The following DNAJA3 variants were observed in gnomAD, a reference collection of about 807,000 sequenced individuals.
DNAJA3 encodes DnaJ heat shock protein family (Hsp40) member A3.
DNAJA3 carries 29 observed loss-of-function variants against 54.9 expected under a neutral mutation model. The observed-to-expected ratio is 0.53, with a 90% CI of 0.39 to 0.72. The LOEUF (loss-of-function observed/expected upper bound fraction) is 0.72, where lower values mean the gene tolerates loss of function less well. Among genes scored for constraint, DNAJA3 ranks in the 30% least tolerant of loss-of-function variants. The pLI is 0.00. For synonymous variants in DNAJA3, 302 were observed against 251.4 expected (o/e 1.20, Z -1.90); for missense variants, 708 against 639.4 (o/e 1.11, Z -1.16).
At chr16:4,439,174 A>G (rs1387808713) in intron 3 of DNAJA3, among the ~76,000 whole-genome samples, 1 of 151,988 alleles carries the variant, frequency 6.6e-6, no homozygotes, top group Non-Finnish European at 1.5e-5. Flanking sequence ...CAGCCTGAGC[A>G]ATATGGTGAA....
At chr16:4,433,227 A>T (rs1300681646) in intron 1 of DNAJA3, 1 of 152,138 alleles carries the variant, frequency 6.6e-6, no homozygotes, top group Non-Finnish European at 1.5e-5. Context: ...TCTTGCTATT[A>T]AAAAAGGTGC....
At chr16:4,428,371 C>A (rs1022453845) in intron 1 of DNAJA3, among the ~76,000 whole-genome samples, 3 of 152,158 alleles carry the variant, frequency 2.0e-5, no homozygotes, top group African/African-American at 7.2e-5. Flanking sequence ...CCATGCCAGG[C>A]TAGATTTTTC....
At chr16:4,437,647 C>G (rs1439639202) in intron 3 of DNAJA3, 162 bp downstream of exon 3, 2 of 612,454 alleles carry the variant, frequency 3.3e-6, no homozygotes, top group African/African-American at 3.7e-5. Context: ...AAAAGAGATT[C>G]CAGGCCAAGC....
intron 7 of DNAJA3, among the ~76,000 whole-genome samples, chr16:4,445,602 A>G (rs1228968115): frequency 1.3e-5 from 2 of 152,130 alleles, no homozygotes; most frequent in African/African-American, 4.8e-5. Context: ...CTAGGATGAA[A>G]TGCAGTGGGG....
At chr16:4,432,959 G>A (rs2056725240) in intron 1 of DNAJA3, among the ~76,000 whole-genome samples, 1 of 151,632 alleles carries the variant, frequency 6.6e-6, no homozygotes, top group Non-Finnish European at 1.5e-5. Context: ...GGCTAACACG[G>A]CGAAACCCCG....
chr16:4,434,082 G>A, intron 1 of DNAJA3: 1 of 322,696 alleles, frequency 3.1e-6, no homozygotes, highest in South Asian at 3.8e-5. Flanking sequence ...TAACATGGCA[G>A]CAGGAAGAAT....
chr16:4,435,527 T>A (rs1039912891), intron 2 of DNAJA3, among the ~76,000 whole-genome samples: 1 of 152,202 alleles, frequency 6.6e-6, no homozygotes, highest in African/African-American at 2.4e-5. Context: ...CTAATCTGCG[T>A]CCTGCCTCTT....
intron 2 of DNAJA3, among the ~76,000 whole-genome samples, chr16:4,434,836 T>C (rs549880420): frequency 7.5e-4 from 114 of 152,136 alleles, no homozygotes; most frequent in African/African-American, 2.6e-3. Flanking sequence ...GGTAGTTATT[T>C]TTTGCATCCA....
At chr16:4,429,652 TG>T (rs1025360140) in intron 1 of DNAJA3, among the ~76,000 whole-genome samples, 2 of 152,152 alleles carry the variant, frequency 1.3e-5, no homozygotes, top group Non-Finnish European at 2.9e-5. Context: ...CTGATCAACA[TG>T]GAGAAACCCC....
At position 4,456,542 on chromosome 16, in the gene DNAJA3, G is replaced by C. The variant is rs1291953019; in HGVS notation, c.*1010G>C. The C allele has an allele frequency of 6.5e-6, 1 of 152,674 alleles. No individual in the cohort carries two copies. Among genetic ancestry groups the C allele is most frequent in the Non-Finnish European group, 1.5e-5 (1 of 68,038 alleles). 9.5% of individuals were successfully genotyped at this position (152,674 alleles called of 1,614,324 possible). A position where few individuals can be genotyped will look rare whatever the true frequency, so the allele number is the denominator to read the frequency against. ...GGTTCCCCACCATTCAGTGAGAGCA[G>C]AACCCCCATTCCCCAGCCTCTGCTG... is the stretch of plus-strand genomic sequence containing the variant. On this transcript the variant is annotated 3_prime_UTR_variant, in exon 12 of 12. Transcript: ENST00000262375.
intron 10 of DNAJA3, among the ~76,000 whole-genome samples, chr16:4,453,236 C>G (rs1478067651): frequency 6.6e-6 from 1 of 151,742 alleles, no homozygotes; most frequent in Admixed American, 6.6e-5. Flanking sequence ...GTTTTTGATG[C>G]GTTTAGTATC....
At chr16:4,431,992 C>G (rs1290610430) in intron 1 of DNAJA3, 1 of 151,996 alleles carries the variant, frequency 6.6e-6, no homozygotes, top group Admixed American at 6.6e-5. Context: ...AAGGCCCTTC[C>G]TATTCCTAGG....
Position 4,428,242 on chromosome 16 carries a change from C to T in DNAJA3, c.211+2150C>T, listed in dbSNP as rs567317687. On this transcript the variant is annotated intron_variant, in intron 1 of 11. Transcript: ENST00000262375. Reference sequence around the variant, plus strand: ...CTGGAATTACAGGCTTGAGCCACCGCGACCGGCCTTATTTTTATTTTGAGA... The same window carrying T: ...CTGGAATTACAGGCTTGAGCCACCGTGACCGGCCTTATTTTTATTTTGAGA... Among the ~76,000 whole-genome samples the T allele has an allele frequency of 1.3e-5, 2 of 152,184 alleles. 1 individual carries two copies. Among genetic ancestry groups the T allele is most frequent in the South Asian group, 4.2e-4 (2 of 4,812 alleles).
At chr16:4,443,817 G>C (rs2056868481) in intron 6 of DNAJA3, among the ~76,000 whole-genome samples, 1 of 152,096 alleles carries the variant, frequency 6.6e-6, no homozygotes, top group African/African-American at 2.4e-5. Context: ...CTCCCAAGGA[G>C]CTGGGACTAC....
At chr16:4,435,460 T>G (rs1421012996) in intron 2 of DNAJA3, among the ~76,000 whole-genome samples, 1 of 152,162 alleles carries the variant, frequency 6.6e-6, no homozygotes, top group East Asian at 1.9e-4. Flanking sequence ...GAAAAGAAAC[T>G]CTGTATTCAT....
At chr16:4,441,159 T>G in intron 3 of DNAJA3, 1 of 555,760 alleles carries the variant, frequency 1.8e-6, no homozygotes, top group Non-Finnish European at 3.2e-6. Flanking sequence ...TCGTGAGACT[T>G]TTGGAAGCAC....
At chr16:4,442,716 C>A (rs1486581088) in intron 5 of DNAJA3, 2 of 515,714 alleles carry the variant, frequency 3.9e-6, no homozygotes, top group Non-Finnish European at 6.8e-6. Flanking sequence ...GGGAAATAAT[C>A]TTTTTTAAAT....
intron 3 of DNAJA3, among the ~76,000 whole-genome samples, chr16:4,439,543 G>A (rs565559875): frequency 3.3e-5 from 5 of 152,076 alleles, no homozygotes; most frequent in Admixed American, 1.3e-4. Context: ...TTAATGGGGC[G>A]GGGGGGTGTT....
chr16:4,431,530 G>A (rs541593577), intron 1 of DNAJA3: 4 of 151,746 alleles, frequency 2.6e-5, no homozygotes, highest in South Asian at 4.2e-4. Flanking sequence ...CTCTGGTTGT[G>A]TTTTGTGCTG....
Sources: allele counts gnomAD v4.1 joint callset (sites outside exome capture counted in the v4.1 genomes callset), GRCh38; gene constraint gnomAD v4.1.1; transcripts MANE v1.5; gene names NCBI Gene and HGNC (gene_info 2026-07-23, HGNC 2026-07-21).